Variants in SDCCAG8 observed in about 807,000 individuals in gnomAD.
SDCCAG8 encodes serologically defined colon cancer antigen 8.
SDCCAG8 carries 74 observed loss-of-function variants against 101.8 expected under a neutral mutation model. The observed-to-expected ratio is 0.73, with a 90% confidence interval of 0.60 to 0.88. The LOEUF (loss-of-function observed/expected upper bound fraction) is 0.88. Ranked by LOEUF, SDCCAG8 falls within the 40% of genes least tolerant of loss-of-function variation. The probability of loss-of-function intolerance (pLI) is 0.00; values close to 1 mark genes in which losing one functional copy is unlikely to be tolerated. For missense variants in SDCCAG8, 787 were observed against 822.6 expected (o/e 0.96, Z 0.53); for synonymous variants, 281 against 292.9 (o/e 0.96, Z 0.41).
At chr1:243,310,233 G>A (rs557211582) in intron 8 of SDCCAG8, among the ~76,000 whole-genome samples, 16 of 151,884 alleles carry the variant, frequency 1.1e-4, no homozygotes, top group South Asian at 1.0e-3. Flanking sequence ...TCAATATGTT[G>A]TTAATTTATT....
In SDCCAG8 at chr1:243,307,179, A is replaced by G. The variant is rs993709838; in HGVS notation, c.741-810A>G. 4.6e-5 allele frequency among the ~76,000 whole-genome samples: 7 copies of G among 152,164 alleles called. No individual in the cohort carries two copies. In the East Asian group the frequency reaches 1.2e-3, roughly 25 times the overall value. On this transcript the variant is annotated intron_variant, in intron 7 of 17. Coordinates refer to ENST00000366541, the MANE Select transcript of SDCCAG8 (RefSeq NM_006642.5). ...GAAAATACAACCCATGTACTAGTCA[A>G]TTAATCCTTAAAAAGTCACCTTGGA...
intron 9 of SDCCAG8, 27 bp downstream of exon 9, chr1:243,316,920 G>A (rs752228630): frequency 6.2e-7 from 1 of 1,608,710 alleles, no homozygotes; most frequent in Non-Finnish European, 8.5e-7. Flanking sequence ...GCAAATAAAA[G>A]TGTCTTTCTT....
At chr1:243,267,605 GAA>G (rs113992307) in intron 1 of SDCCAG8, 2,806 of 452,708 alleles carry the variant, frequency 6.2e-3, no homozygotes, top group East Asian at 8.2e-3. Context: ...TCCCTCTCAA[GAA>G]AAAAAAAAAA....
chr1:243,283,690 T>G (rs1045136323), intron 4 of SDCCAG8, among the ~76,000 whole-genome samples: 10 of 152,244 alleles, frequency 6.6e-5, no homozygotes, highest in African/African-American at 2.4e-4. Context: ...TGTTCTTGCA[T>G]ATAGTCTATT....
At chr1:243,329,865 A>G (rs1458301671) in intron 9 of SDCCAG8, among the ~76,000 whole-genome samples, 2 of 152,216 alleles carry the variant, frequency 1.3e-5, no homozygotes, top group Admixed American at 6.5e-5. Context: ...TGGGAAATTT[A>G]CAGTAAAGGA....
intron 16 of SDCCAG8, among the ~76,000 whole-genome samples, chr1:243,452,526 G>A (rs1420784895): frequency 6.7e-6 from 1 of 150,188 alleles, no homozygotes; most frequent in Admixed American, 6.7e-5. Context: ...GGCCTGTAGG[G>A]ATCCTCCTCC....
At chr1:243,487,241 G>A (rs1331561926) in intron 16 of SDCCAG8, among the ~76,000 whole-genome samples, 1 of 152,140 alleles carries the variant, frequency 6.6e-6, no homozygotes, top group Non-Finnish European at 1.5e-5. Context: ...CTCTCTCCCG[G>A]CCGCTCACTG....
In SDCCAG8 at chr1:243,330,673, G is replaced by C. The variant is rs561807399; in HGVS notation, c.1202G>C (p.Arg401Thr). 6.2e-7 allele frequency: 1 copy of C among 1,614,056 alleles called. No homozygotes were observed. Among genetic ancestry groups the C allele is most frequent in the East Asian group, 2.2e-5 (1 of 44,874 alleles). ...ATGAAAAAGGAAATAACGAAAGAAA[G>C]GGAGTACATGGGATCAAAGGTACTT... ...DMMKKEITKEREYMGSKMLIL... is the reference protein window; with the variant it reads ...DMMKKEITKETEYMGSKMLIL... Residue 401 changes from arginine (R) to threonine (T), a missense_variant, in exon 10 of 18, where the codon AGG (arginine) becomes ACG (threonine). Arg to Thr is a moderately conservative substitution (Grantham distance 71). Coordinates refer to ENST00000366541, the MANE Select transcript of SDCCAG8 (RefSeq NM_006642.5).
chr1:243,282,064 A>G (rs1032231164), intron 4 of SDCCAG8, among the ~76,000 whole-genome samples: 3 of 151,986 alleles, frequency 2.0e-5, no homozygotes, highest in African/African-American at 7.2e-5. Flanking sequence ...GCCCACTGCA[A>G]CCTCTGCCTC....
chr1:243,381,888 T>C (rs922326534), intron 13 of SDCCAG8, among the ~76,000 whole-genome samples: 7 of 152,076 alleles, frequency 4.6e-5, no homozygotes, highest in African/African-American at 1.7e-4. Context: ...TTCTACACCA[T>C]AGGTGAAGGC....
chr1:243,285,202 G>GC (rs1244589453), intron 4 of SDCCAG8, among the ~76,000 whole-genome samples: 1 of 152,112 alleles, frequency 6.6e-6, no homozygotes, highest in African/African-American at 2.4e-5. Context: ...TCTCAAACTT[G>GC]CTGACACTGA....
intron 6 of SDCCAG8, among the ~76,000 whole-genome samples, chr1:243,300,234 T>G (rs370880937): frequency 4.6e-5 from 7 of 152,308 alleles, no homozygotes; most frequent in South Asian, 4.1e-4. Context: ...AGTACCAGTA[T>G]TCACTTGATT....
At chr1:243,407,382 C>CCCA (rs1300594983) in intron 13 of SDCCAG8, among the ~76,000 whole-genome samples, 1 of 152,104 alleles carries the variant, frequency 6.6e-6, no homozygotes, top group East Asian at 1.9e-4. Context: ...ATCTCTCTGC[C>CCCA]CCACAGAGAT....
Position 243,268,269 on chromosome 1 carries a change from C to G in SDCCAG8, c.68-1836C>G, listed in dbSNP as rs978673925. On this transcript the variant is annotated intron_variant, in intron 1 of 17. Coordinates refer to ENST00000366541, the MANE Select transcript of SDCCAG8 (RefSeq NM_006642.5). The stretch of plus-strand genomic sequence containing the variant: ...TATTCGTGGATTTAAGGGCATAAAT[C>G]TAAAGCTCCATGAACTGAATTGCTT... The G allele has an allele frequency of 2.5e-5, 9 of 353,422 alleles. No homozygotes were observed. In the East Asian group the frequency reaches 4.9e-4, roughly 19 times the overall value. The allele number at this position is 353,422 out of a possible 1,614,324, so 21.9% of individuals were successfully genotyped here.
chr1:243,322,624 C>G (rs888616029), intron 9 of SDCCAG8, among the ~76,000 whole-genome samples: 2 of 152,132 alleles, frequency 1.3e-5, no homozygotes, highest in Admixed American at 6.5e-5. Context: ...TTGCGTAGAT[C>G]TCAACACATA....
rs1201744229 is a variant in SDCCAG8 at position 243,256,189 on chromosome 1, G to A, written c.16G>A (p.Glu6Lys). The A allele has an allele frequency of 6.2e-7, 1 of 1,614,210 alleles. No individual in the cohort carries two copies. Among genetic ancestry groups the A allele is most frequent in the Admixed American group, 1.7e-5 (1 of 60,030 alleles). Residue 6 changes from glutamate to lysine, a missense_variant, in exon 1 of 18, where the codon GAG becomes AAG. Coordinates refer to ENST00000366541, the MANE Select transcript of SDCCAG8 (RefSeq NM_006642.5). ...GAGTGCGTGCATGGCGAAGTCCCCGGAGAACTCTACCCTGGAGGAGATTCT... is the reference window on the plus strand; with the variant it reads ...GAGTGCGTGCATGGCGAAGTCCCCGAAGAACTCTACCCTGGAGGAGATTCT... MAKSP[E>K]NSTLEEILGQ...
chr1:243,322,907 C>T (rs1274327875), intron 9 of SDCCAG8, among the ~76,000 whole-genome samples: 1 of 151,976 alleles, frequency 6.6e-6, no homozygotes, highest in African/African-American at 2.4e-5. Flanking sequence ...GAGGCTGAGG[C>T]AGGCAGATCA....
intron 8 of SDCCAG8, among the ~76,000 whole-genome samples, chr1:243,314,070 G>A (rs949153091): frequency 6.6e-6 from 1 of 152,194 alleles, no homozygotes; most frequent in African/African-American, 2.4e-5. Flanking sequence ...GACTGGCTGA[G>A]TCAAAACAAA....
chr1:243,351,366 G>T (rs1295034843), intron 12 of SDCCAG8, among the ~76,000 whole-genome samples: 1 of 152,230 alleles, frequency 6.6e-6, no homozygotes, highest in East Asian at 1.9e-4. Flanking sequence ...ATAACTAGGA[G>T]ACCCAGGTCC....
Sources: gnomAD v4.1 joint callset for allele counts (sites outside exome capture counted in the v4.1 genomes callset) on GRCh38, gnomAD v4.1.1 for gene constraint, MANE v1.5 for transcripts, NCBI Gene and HGNC (gene_info 2026-07-23, HGNC 2026-07-21) for gene names.